The following RBM45 variants were observed in gnomAD, a reference collection of about 807,000 sequenced individuals.
The protein encoded by RBM45 is RNA-binding protein 45.
RBM45 carries 39 observed loss-of-function variants against 58.5 expected under a neutral mutation model. That is an observed-to-expected ratio of 0.67 (90% CI 0.52 to 0.87). The LOEUF (loss-of-function observed/expected upper bound fraction) is 0.87. RBM45 is among the 40% of genes least tolerant of loss of function. The pLI is 0.00. For missense variants in RBM45, 481 were observed against 581.6 expected, an observed-to-expected ratio of 0.83 and a Z score of 1.78; for synonymous variants, 193 against 203.0, an observed-to-expected ratio of 0.95 and a Z score of 0.42.
intron 1 of RBM45, among the ~76,000 whole-genome samples, chr2:178,113,370 C>T (rs2087730944): frequency 6.6e-6 from 1 of 152,198 alleles, no homozygotes; most frequent in African/African-American, 2.4e-5. Flanking sequence ...CGAAAGAATA[C>T]ATGTACAGAA....
At chr2:178,125,887 G>A (rs544107977) in intron 8 of RBM45, 97 bp from the exon 9 acceptor site, 1 of 860,240 alleles carries the variant, frequency 1.2e-6, no homozygotes, top group South Asian at 1.5e-5. Context: ...GATCTGGGGA[G>A]AAGGGTGAAA....
downstream of RBM45, among the ~76,000 whole-genome samples, chr2:178,133,697 G>A (rs1432027638): frequency 6.6e-6 from 1 of 152,170 alleles, no homozygotes; most frequent in Non-Finnish European, 1.5e-5. Flanking sequence ...CCACACACAG[G>A]CTTTGTTCCA....
At position 178,124,273 on chromosome 2, in the gene RBM45, A is replaced by G; in HGVS notation, c.1215A>G (p.Val405=). ...VFNPHPLPLD[V]LEDIFCRFGN... is the part of the protein sequence containing the mutation. Reference sequence around the variant, plus strand: ...ATCCTCATCCTTTACCTTTAGACGTATTAGAAGATATATTCTGGTAAGAAA... The same window carrying G: ...ATCCTCATCCTTTACCTTTAGACGTGTTAGAAGATATATTCTGGTAAGAAA... Residue 405 remains valine, a synonymous_variant, in exon 8 of 10, where the codon GTA becomes GTG. Coordinates refer to ENST00000286070, the MANE Select transcript of RBM45 (RefSeq NM_152945.4). 1 of 1,547,740 alleles carries G rather than the reference A, an allele frequency of 6.5e-7. No individual in the cohort carries two copies. Among genetic ancestry groups the G allele is most frequent in the Non-Finnish European group, 8.8e-7 (1 of 1,142,740 alleles).
chr2:178,127,329 T>C (rs1302154589), intron 9 of RBM45, among the ~76,000 whole-genome samples: 4 of 152,234 alleles, frequency 2.6e-5, no homozygotes, highest in Non-Finnish European at 5.9e-5. Context: ...TCAAATGTAG[T>C]AGATGGCAGG....
intron 8 of RBM45, 65 bp downstream of exon 8, chr2:178,124,355 A>G (rs2087898232): frequency 1.9e-6 from 2 of 1,070,352 alleles, no homozygotes; most frequent in Non-Finnish European, 2.7e-6. Context: ...CTTATAATCT[A>G]GACACTTCCT....
chr2:178,131,484 A>G (rs1344447996), downstream of RBM45, among the ~76,000 whole-genome samples: 1 of 152,208 alleles, frequency 6.6e-6, no homozygotes, highest in Non-Finnish European at 1.5e-5. Context: ...GTCACATGGT[A>G]GCTATCATAT....
At chr2:178,132,983 T>A (rs1200695528), downstream of RBM45, among the ~76,000 whole-genome samples, 12 of 152,220 alleles carry the variant, frequency 7.9e-5, no homozygotes, top group Admixed American at 7.9e-4. Flanking sequence ...GGGGTGAGTT[T>A]TTGAACAAGC....
chr2:178,134,571 T>A, downstream of RBM45, among the ~76,000 whole-genome samples: 1 of 68,408 alleles, frequency 1.5e-5, no homozygotes, highest in Non-Finnish European at 3.1e-5. Context: ...GCTTGCTCTG[T>A]TTTTTTTTGT....
At chr2:178,134,504 A>G (rs2153907606), downstream of RBM45, among the ~76,000 whole-genome samples, 1 of 152,168 alleles carries the variant, frequency 6.6e-6, no homozygotes, top group South Asian at 2.1e-4. Flanking sequence ...TCTAGCATTA[A>G]CAAGACATAG....
intron 2 of RBM45, among the ~76,000 whole-genome samples, chr2:178,116,947 T>C (rs2087784790): frequency 6.6e-6 from 1 of 152,136 alleles, no homozygotes; most frequent in African/African-American, 2.4e-5. Context: ...GAAGGAATTA[T>C]ATTTAAAGAA....
intron 3 of RBM45, 124 bp from the exon 4 acceptor site, chr2:178,120,163 G>A: frequency 8.3e-7 from 1 of 1,199,326 alleles, no homozygotes; most frequent in Admixed American, 2.3e-5. Flanking sequence ...GGAGGAGATG[G>A]CCATTGTATA....
intron 1 of RBM45, among the ~76,000 whole-genome samples, chr2:178,115,576 C>T (rs1018719757): frequency 6.6e-6 from 1 of 152,122 alleles, no homozygotes; most frequent in African/African-American, 2.4e-5. Flanking sequence ...ATGTCTCTAA[C>T]ACTGTGGTTT....
At chr2:178,124,612 A>G (rs895515184) in intron 8 of RBM45, among the ~76,000 whole-genome samples, 2 of 152,142 alleles carry the variant, frequency 1.3e-5, no homozygotes, top group Non-Finnish European at 2.9e-5. Context: ...TCAGGAGTTC[A>G]AGACCAGACT....
intron 1 of RBM45, among the ~76,000 whole-genome samples, chr2:178,114,780 A>G (rs551463053): frequency 6.6e-6 from 1 of 151,998 alleles, no homozygotes; most frequent in African/African-American, 2.4e-5. Context: ...TATTTTTCTT[A>G]GAGACAGGGT....
At chr2:178,132,653 C>T (rs977257016), downstream of RBM45, among the ~76,000 whole-genome samples, 3 of 152,078 alleles carry the variant, frequency 2.0e-5, no homozygotes, top group East Asian at 1.9e-4. Context: ...TACAATGGTG[C>T]GATCTCAGCT....
chr2:178,120,956 G>A (rs954809186), intron 4 of RBM45: 6 of 359,904 alleles, frequency 1.7e-5, no homozygotes, highest in East Asian at 4.2e-5. Flanking sequence ...TGTGAAATTA[G>A]ACTATGCATT....
At chr2:178,125,807 A>C in intron 8 of RBM45, 177 bp from the exon 9 acceptor site, 1 of 713,756 alleles carries the variant, frequency 1.4e-6, no homozygotes, top group Non-Finnish European at 2.6e-6. Flanking sequence ...GGTCTGAATG[A>C]GAAGAGAGAT....
At position 178,120,281 on chromosome 2, in the gene RBM45, T is replaced by C. The variant is rs112401127; in HGVS notation, c.551-6T>C. 44 of 1,611,978 alleles carry C rather than the reference T, an allele frequency of 2.7e-5. No individual in the cohort carries two copies. Among genetic ancestry groups the C allele is most frequent in the African/African-American group, 2.7e-4 (20 of 74,922 alleles). On this transcript the variant is annotated splice_region_variant and splice_polypyrimidine_tract_variant and intron_variant, in intron 3 of 9. Transcript: ENST00000286070. ...GTGAAACTTGAAATTCATGGGGTTTTTTCAGGTTTTAGAGCAATCTTGGCT... is the reference window on the plus strand; with the variant it reads ...GTGAAACTTGAAATTCATGGGGTTTCTTCAGGTTTTAGAGCAATCTTGGCT...
chr2:178,118,545 C>G (rs866439300), intron 3 of RBM45, among the ~76,000 whole-genome samples: 13 of 152,014 alleles, frequency 8.6e-5, no homozygotes, highest in Middle Eastern at 6.8e-3. Context: ...TATATTTGAT[C>G]TACATCCCAA....
Sources: allele counts gnomAD v4.1 joint callset (sites outside exome capture counted in the v4.1 genomes callset), GRCh38; gene constraint gnomAD v4.1.1; transcripts MANE v1.5; gene names NCBI Gene and HGNC (gene_info 2026-07-23, HGNC 2026-07-21).